Variants in NEDD1 observed in about 807,000 individuals in gnomAD.
NEDD1 encodes protein NEDD1.
In NEDD1, 33 loss-of-function variants were observed where a neutral mutation model predicts 74.0. The ratio of observed to expected loss-of-function variants is 0.45; its 90% CI spans 0.34 to 0.60. The LOEUF is 0.60. Among genes scored for constraint, NEDD1 ranks in the 20% least tolerant of loss-of-function variants. NEDD1 has a pLI of 0.01. For missense variants in NEDD1, 746 were observed against 776.5 expected, an observed-to-expected ratio of 0.96 and a Z score of 0.47; for synonymous variants, 250 against 264.4, an observed-to-expected ratio of 0.95 and a Z score of 0.53.
chr12:96,911,121 A>G (rs374578508), intron 3 of NEDD1, among the ~76,000 whole-genome samples: 48 of 152,366 alleles, frequency 3.2e-4, no homozygotes, highest in African/African-American at 1.2e-3. Flanking sequence ...GACTTTCCAG[A>G]TGTGTAATAG....
chr12:96,920,306 A>T (rs78574017), intron 6 of NEDD1, among the ~76,000 whole-genome samples, 181 bp downstream of exon 6: 1,522 of 152,088 alleles, frequency 0.01, 69 homozygotes, highest in East Asian at 0.095. Context: ...GTGCTTATAT[A>T]AATTTGATTA....
intron 4 of NEDD1, among the ~76,000 whole-genome samples, chr12:96,915,521 G>A (rs1358635394): frequency 6.6e-6 from 1 of 152,326 alleles, no homozygotes; most frequent in Non-Finnish European, 1.5e-5. Flanking sequence ...GCTCAGAAAG[G>A]TGAGATGATT....
intron 4 of NEDD1, among the ~76,000 whole-genome samples, chr12:96,913,358 G>A (rs1441502406): frequency 2.6e-5 from 4 of 151,728 alleles, no homozygotes; most frequent in Admixed American, 6.6e-5. Context: ...CTCTCACTAC[G>A]TACTGTTGCC....
Position 96,909,755 on chromosome 12 carries a change from C to T in NEDD1, c.-5C>T, listed in dbSNP as rs764562663. The T allele has an allele frequency of 1.2e-6, 2 of 1,609,086 alleles. No individual in the cohort carries two copies. The highest frequency in any genetic ancestry group is 1.6e-4 in the Middle Eastern group (1 of 6,062). ...CATTGTTTTAAACTATTTGTAGGCG[C>T]AGTCATGCAGGAAAACCTCAGATTT... is the stretch of plus-strand genomic sequence containing the variant. On this transcript the variant is annotated 5_prime_UTR_variant, in exon 3 of 16. Coordinates refer to ENST00000266742, the MANE Select transcript of NEDD1 (RefSeq NM_152905.4).
chr12:96,951,519 T>G, intron 15 of NEDD1, 21 bp downstream of exon 15: 4 of 1,196,152 alleles, frequency 3.3e-6, no homozygotes, highest in Non-Finnish European at 4.9e-6. Context: ...CAAATTTTAT[T>G]TTAATATTTT....
chr12:96,951,917 A>G lies in NEDD1; in HGVS notation c.1879-32A>G, dbSNP rs1878743857. 3 of 1,154,016 alleles carry G rather than the reference A, an allele frequency of 2.6e-6. No homozygotes were observed. The South Asian group carries it at 3.7e-5, about 14-fold the overall frequency. The allele number at this position is 1,154,016 out of a possible 1,614,324, so 71.5% of individuals were successfully genotyped here. On this transcript the variant is annotated intron_variant, in intron 15 of 15. Coordinates refer to ENST00000266742, the MANE Select transcript of NEDD1 (RefSeq NM_152905.4). ...CCTGCCAAATAAATGTGAAATATCAATAATTTAAAAAGCATTTTCCTGTTT... is the reference window on the plus strand; with the variant it reads ...CCTGCCAAATAAATGTGAAATATCAGTAATTTAAAAAGCATTTTCCTGTTT...
intron 6 of NEDD1, among the ~76,000 whole-genome samples, chr12:96,923,788 T>TTG (rs10528785): frequency 0.026 from 3,704 of 142,264 alleles, 56 homozygotes; most frequent in African/African-American, 0.036. Context: ...TAATACCTGT[T>TTG]TGTGTGTGTG....
At chr12:96,938,701 C>T (rs942743338) in intron 9 of NEDD1, among the ~76,000 whole-genome samples, 15 of 152,068 alleles carry the variant, frequency 9.9e-5, no homozygotes, top group Non-Finnish European at 8.8e-5. Context: ...TGTCATCTTA[C>T]AGAAAAGTTT....
rs1032791061 is a variant in NEDD1 at position 96,953,509 on chromosome 12, A to G, written c.*1456A>G. On this transcript the variant is annotated 3_prime_UTR_variant, in exon 16 of 16. Transcript: ENST00000266742. ...ATAAATATTAGTGTGTTTTGCCTACATGGTGTATTTAAATCTATTAATATT... is the reference window on the plus strand; with the variant it reads ...ATAAATATTAGTGTGTTTTGCCTACGTGGTGTATTTAAATCTATTAATATT... The G allele has an allele frequency of 6.6e-6, 1 of 151,338 alleles. No individual in the cohort carries two copies. The highest frequency in any genetic ancestry group is 2.4e-5 in the African/African-American group (1 of 41,008). The allele number at this position is 151,338 out of a possible 1,614,324, so 9.4% of individuals were successfully genotyped here.
intron 6 of NEDD1, among the ~76,000 whole-genome samples, chr12:96,934,230 C>G (rs1299260807): frequency 1.3e-5 from 2 of 148,486 alleles, no homozygotes; most frequent in Non-Finnish European, 1.5e-5. Context: ...TCCCAGTATT[C>G]CCTTATACTT....
At chr12:96,932,442 T>TTAAAAAAAA (rs1876579714) in intron 6 of NEDD1, among the ~76,000 whole-genome samples, 1 of 10,664 alleles carries the variant, frequency 9.4e-5, no homozygotes, top group African/African-American at 6.4e-4. Flanking sequence ...TCCTGTCTCT[T>TTAAAAAAAA]AAAAAAAAAA....
intron 4 of NEDD1, among the ~76,000 whole-genome samples, chr12:96,915,009 T>TC (rs1874293421): frequency 6.6e-6 from 1 of 152,224 alleles, no homozygotes; most frequent in Admixed American, 6.5e-5. Flanking sequence ...TAAAGGCTGT[T>TC]TTGATAGTTC....
chr12:96,929,346 ATGT>A, intron 6 of NEDD1, among the ~76,000 whole-genome samples: 1 of 39,126 alleles, frequency 2.6e-5, no homozygotes, highest in Non-Finnish European at 5.2e-5. Context: ...TTTTTTCTTA[ATGT>A]CTTGTATTTT....
rs759159821 is a variant in NEDD1 at position 96,937,290 on chromosome 12, C to T, written c.1014C>T (p.Ser338=). ...CTGCTAGTGGAGGAGTTCAGAATTC[C>T]GGAATTGTCAGAGAAGCACCTGCCA... ...VNAASGGVQN[S]GIVREAPATS... is the part of the protein sequence containing the mutation. Residue 338 remains serine (S), a synonymous_variant, in exon 9 of 16, where the codon TCC becomes TCT. Transcript: ENST00000266742. 10 of 1,612,540 alleles carry T rather than the reference C, an allele frequency of 6.2e-6. No individual in the cohort carries two copies. Among genetic ancestry groups the T allele is most frequent in the African/African-American group, 1.3e-5 (1 of 74,918 alleles).
intron 6 of NEDD1, among the ~76,000 whole-genome samples, chr12:96,934,207 C>T (rs1592907832): frequency 6.8e-6 from 1 of 147,920 alleles, no homozygotes; most frequent in African/African-American, 2.5e-5. Flanking sequence ...AATATTATTG[C>T]TTTTTTTTTT....
chr12:96,950,294 A>C (rs1291992944), intron 14 of NEDD1, among the ~76,000 whole-genome samples: 2 of 152,026 alleles, frequency 1.3e-5, no homozygotes, highest in Admixed American at 1.3e-4. Flanking sequence ...GATGATATAG[A>C]GCAAGAAGAA....
chr12:96,917,576 G>A, intron 4 of NEDD1, 45 bp from the exon 5 acceptor site: 1 of 1,477,178 alleles, frequency 6.8e-7, no homozygotes, highest in South Asian at 1.6e-5. Flanking sequence ...AGTCAGCTCT[G>A]GGCTCTGTTA....
At chr12:96,940,052 G>GT (rs1411864727) in intron 9 of NEDD1, among the ~76,000 whole-genome samples, 1 of 152,010 alleles carries the variant, frequency 6.6e-6, no homozygotes, top group Non-Finnish European at 1.5e-5. Flanking sequence ...AATAGCAAAA[G>GT]TAAGTTGTGT....
chr12:96,941,213 TACTC>T (rs1168795792), intron 10 of NEDD1, among the ~76,000 whole-genome samples: 1 of 152,206 alleles, frequency 6.6e-6, no homozygotes, highest in South Asian at 2.1e-4. Context: ...TCTCAGAAAA[TACTC>T]AGAGAAGCCC....
Sources: allele counts gnomAD v4.1 joint callset (sites outside exome capture counted in the v4.1 genomes callset), GRCh38; gene constraint gnomAD v4.1.1; transcripts MANE v1.5; gene names NCBI Gene and HGNC (gene_info 2026-07-23, HGNC 2026-07-21).